Variants in KCND3 observed in about 807,000 individuals in gnomAD.
KCND3 encodes the protein A-type voltage-gated potassium channel KCND3.
A neutral mutation model predicts 51.1 loss-of-function variants in KCND3; 9 were observed. The ratio of observed to expected loss-of-function variants is 0.18; its 90% CI spans 0.11 to 0.31. The LOEUF is 0.31. KCND3 is among the 10% of genes least tolerant of loss of function. The pLI is 1.00. For synonymous variants in KCND3, 349 were observed against 368.0 expected (o/e 0.95, Z 0.59); for missense variants, 526 against 903.8 (o/e 0.58, Z 5.36).
At chr1:111,891,940 C>T (rs1669843781) in intron 2 of KCND3, among the ~76,000 whole-genome samples, 1 of 150,950 alleles carries the variant, frequency 6.6e-6, no homozygotes, top group East Asian at 2.0e-4. Flanking sequence ...CCTTATTTAG[C>T]CTGTGTGTGT....
chr1:111,961,352 C>A (rs781588728), intron 2 of KCND3, among the ~76,000 whole-genome samples: 3 of 152,210 alleles, frequency 2.0e-5, no homozygotes, highest in Non-Finnish European at 2.9e-5. Context: ...ACCAACTCAT[C>A]CCTGATAAAT....
At chr1:111,788,689 C>T (rs776446587) in intron 2 of KCND3, among the ~76,000 whole-genome samples, 9 of 152,222 alleles carry the variant, frequency 5.9e-5, no homozygotes, top group Middle Eastern at 3.4e-3. Context: ...TCTCCTCTGC[C>T]GTGGTACTCA....
At chr1:111,801,420 A>C (rs1665302170) in intron 2 of KCND3, among the ~76,000 whole-genome samples, 1 of 152,144 alleles carries the variant, frequency 6.6e-6, no homozygotes, top group Non-Finnish European at 1.5e-5. Flanking sequence ...AACCAGACAA[A>C]CTCTTATGGC....
chr1:111,779,706 G>C (rs907889781), intron 5 of KCND3, among the ~76,000 whole-genome samples: 1 of 151,970 alleles, frequency 6.6e-6, no homozygotes, highest in South Asian at 2.1e-4. Context: ...GGGCAGGGGT[G>C]GGGGTGGGGG....
intron 2 of KCND3, among the ~76,000 whole-genome samples, chr1:111,932,073 C>A (rs1026536837): frequency 1.3e-5 from 2 of 152,220 alleles, no homozygotes; most frequent in African/African-American, 4.8e-5. Context: ...CGCAGCAGGC[C>A]GAGTCCTTCT....
Position 111,829,930 on chromosome 1 carries a change from C to T in KCND3, c.1107-42824G>A, listed in dbSNP as rs181389638. Among the ~76,000 whole-genome samples, 6 of 152,272 alleles carry T rather than the reference C, an allele frequency of 3.9e-5. No individual in the cohort carries two copies. The East Asian group carries it at 5.8e-4, about 15-fold the overall frequency. ...ACTGGTGGCTGCATCCTTAGTGTTG[C>T]GTTGACCCTCTCATGTTCTCGCCTA... On this transcript the variant is annotated intron_variant, in intron 2 of 7. Transcript: ENST00000302127.
intron 2 of KCND3, among the ~76,000 whole-genome samples, chr1:111,871,421 T>G (rs918171671): frequency 6.6e-6 from 1 of 152,050 alleles, no homozygotes; most frequent in African/African-American, 2.4e-5. Context: ...GTAACACAAT[T>G]GGTAGGTCCT....
rs775467051 is a variant in KCND3 at position 111,982,001 on chromosome 1, G to A, written c.726C>T (p.Leu242=). The A allele has an allele frequency of 1.2e-6, 2 of 1,613,856 alleles. No individual in the cohort carries two copies. The highest frequency in any genetic ancestry group is 1.7e-6 in the Non-Finnish European group (2 of 1,180,030). The change falls in exon 2 of 8, where the codon CTC becomes CTT. Residue 242 remains leucine, a synonymous_variant. Transcript: ENST00000302127. The surrounding 1 kb of genome is among the most constrained non-coding windows in gnomAD (Gnocchi z 8.5). ...ACVMIFTVEY[L]LRLFAAPSRY... ...GGCTGGGAGCCGCGAAGAGCCGCAG[G>A]AGGTACTCCACGGTGAAGATCATGA...
intron 2 of KCND3, among the ~76,000 whole-genome samples, chr1:111,812,170 G>A (rs1571677663): frequency 2.6e-5 from 4 of 152,300 alleles, no homozygotes; most frequent in African/African-American, 9.6e-5. Flanking sequence ...GGAAGGGCCT[G>A]GACAGCTGAT....
rs1664002824 is a variant in KCND3 at position 111,773,572 on chromosome 1, C to G, written c.*2505G>C. The G allele has an allele frequency of 2.0e-5, 3 of 151,946 alleles. No individual in the cohort carries two copies. Among genetic ancestry groups the G allele is most frequent in the Non-Finnish European group, 4.4e-5 (3 of 68,016 alleles). The allele number at this position is 151,946 out of a possible 1,614,324, so 9.4% of individuals were successfully genotyped here. On this transcript the variant is annotated 3_prime_UTR_variant, in exon 8 of 8. Transcript: ENST00000302127. ...AGTAGCTGGGATTACAGGGGTCCAC[C>G]ACCATGCCTGGCTAATTTTTGTATT... is the stretch of plus-strand genomic sequence containing the variant.
chr1:111,777,334 C>G, intron 6 of KCND3, 61 bp from the exon 7 acceptor site: 1 of 1,562,810 alleles, frequency 6.4e-7, no homozygotes, highest in Non-Finnish European at 8.8e-7. Flanking sequence ...AGGTAAGCCC[C>G]TATACTCTGT....
chr1:111,784,401 T>A (rs542467782), intron 3 of KCND3, among the ~76,000 whole-genome samples: 1 of 152,246 alleles, frequency 6.6e-6, no homozygotes, highest in Admixed American at 6.5e-5. Context: ...AATGCCCCAA[T>A]CCAGATGTTC....
At chr1:111,938,827 G>A (rs183298654) in intron 2 of KCND3, among the ~76,000 whole-genome samples, 147 of 152,328 alleles carry the variant, frequency 9.7e-4, no homozygotes, top group Admixed American at 2.6e-3. Flanking sequence ...AAGGACTCTG[G>A]CTTTTACTCA....
intron 2 of KCND3, among the ~76,000 whole-genome samples, chr1:111,817,469 A>G (rs1335505298): frequency 1.3e-5 from 2 of 152,238 alleles, no homozygotes; most frequent in Non-Finnish European, 2.9e-5. Context: ...ATTGTTTATT[A>G]TAGCACAGAC....
chr1:111,823,040 G>A (rs1471166656), intron 2 of KCND3, among the ~76,000 whole-genome samples: 3 of 152,228 alleles, frequency 2.0e-5, no homozygotes, highest in Non-Finnish European at 2.9e-5. Flanking sequence ...GACAGACGGC[G>A]GGGGACCCAC....
intron 2 of KCND3, among the ~76,000 whole-genome samples, chr1:111,869,960 T>C (rs142301769): frequency 1.1e-3 from 160 of 152,330 alleles, no homozygotes; most frequent in African/African-American, 3.6e-3. Flanking sequence ...AAAGTGTTTG[T>C]ATCAAATAAA....
intron 2 of KCND3, among the ~76,000 whole-genome samples, chr1:111,914,129 C>T (rs555050206): frequency 4.0e-5 from 6 of 151,246 alleles, no homozygotes; most frequent in African/African-American, 1.2e-4. Context: ...AAAGTGACCC[C>T]AATAAAACTT....
chr1:111,945,322 C>G (rs1394047890), intron 2 of KCND3, among the ~76,000 whole-genome samples: 2 of 152,218 alleles, frequency 1.3e-5, no homozygotes, highest in Admixed American at 6.5e-5. Flanking sequence ...CAAATTCACA[C>G]TGGATTAGTA....
chr1:111,776,285 T>A lies in KCND3; in HGVS notation c.1767-7A>T. ...CAAATTAAGGCTGGAGCGACTGGGA[T>A]AGAAAAGAGTGAGTTGATGATGGTT... On this transcript the variant is annotated splice_polypyrimidine_tract_variant and splice_region_variant and intron_variant, in intron 7 of 7. Transcript: ENST00000302127. 1 of 1,613,038 alleles carries A rather than the reference T, an allele frequency of 6.2e-7. No homozygotes were observed. Among genetic ancestry groups the A allele is most frequent in the South Asian group, 1.1e-5 (1 of 90,886 alleles).
Sources: allele counts gnomAD v4.1 joint callset (sites outside exome capture counted in the v4.1 genomes callset), GRCh38; gene constraint gnomAD v4.1.1; non-coding constraint Gnocchi (gnomAD v3.1); transcripts MANE v1.5; gene names NCBI Gene and HGNC (gene_info 2026-07-23, HGNC 2026-07-21).